The following MOXD1 variants were observed in gnomAD, a reference collection of about 807,000 sequenced individuals.
MOXD1 encodes the protein monooxygenase DBH like 1, also known as DBH-like monooxygenase protein 1.
A neutral mutation model predicts 66.6 loss-of-function variants in MOXD1; 62 were observed. The ratio of observed to expected loss-of-function variants is 0.93; its 90% CI spans 0.76 to 1.15. The LOEUF is 1.15. Among genes scored for constraint, MOXD1 ranks in the 50% most tolerant of loss-of-function variants. The pLI is 0.00. For synonymous variants in MOXD1, 303 were observed against 281.9 expected (o/e 1.07, Z -0.75); for missense variants, 847 against 754.6 (o/e 1.12, Z -1.44).
At chr6:132,349,276 C>A (rs1775733692) in intron 4 of MOXD1, among the ~76,000 whole-genome samples, 1 of 150,070 alleles carries the variant, frequency 6.7e-6, no homozygotes, top group South Asian at 2.1e-4. Context: ...TAATAGTCTC[C>A]AGTCTCATCC....
At chr6:132,386,381 G>C (rs1418327856) in intron 1 of MOXD1, among the ~76,000 whole-genome samples, 1 of 143,436 alleles carries the variant, frequency 7.0e-6, no homozygotes, top group Non-Finnish European at 1.5e-5. Context: ...CAGCCTGGGC[G>C]ACAGAGCGAG....
intron 9 of MOXD1, among the ~76,000 whole-genome samples, chr6:132,319,201 T>C (rs1775022824): frequency 6.6e-6 from 1 of 151,990 alleles, no homozygotes; most frequent in Non-Finnish European, 1.5e-5. Flanking sequence ...GCAAAATGTT[T>C]ATATAAATTA....
intron 4 of MOXD1, among the ~76,000 whole-genome samples, chr6:132,340,686 A>C (rs182746366): frequency 8.6e-6 from 1 of 116,426 alleles, no homozygotes; most frequent in Non-Finnish European, 1.6e-5. Context: ...TCGCTCTGTC[A>C]CCCAGGCTGG....
rs35163669 is a variant in MOXD1, at chr6:132,333,335, CAA to C, written c.664-4743_664-4742del. On this transcript the variant is annotated intron_variant, in intron 4 of 11. Transcript: ENST00000367963. ...TGGGCTACAGAGTGAGACTCCGTCTCAAAAAAAAAAAAAAAAAAAAATACTGA... is the reference window on the plus strand; with the variant it reads ...TGGGCTACAGAGTGAGACTCCGTCTCAAAAAAAAAAAAAAAAAAATACTGA... Among the ~76,000 whole-genome samples the C allele has an allele frequency of 5.9e-3, 426 of 72,446 alleles. 1 individual carries two copies. The highest frequency in any genetic ancestry group is 0.047 in the Middle Eastern group (5 of 106). 47.5% of individuals were successfully genotyped at this position (72,446 alleles called of 152,430 possible). A position where few individuals can be genotyped will look rare whatever the true frequency, so the allele number is the denominator to read the frequency against.
At chr6:132,319,054 C>G (rs1268377249) in intron 9 of MOXD1, among the ~76,000 whole-genome samples, 1 of 151,806 alleles carries the variant, frequency 6.6e-6, no homozygotes, top group Non-Finnish European at 1.5e-5. Flanking sequence ...GTATTAATCG[C>G]CAGTTTTAAA....
intron 4 of MOXD1, among the ~76,000 whole-genome samples, chr6:132,369,685 T>A (rs1562295142): frequency 6.6e-6 from 1 of 152,064 alleles, no homozygotes; most frequent in Non-Finnish European, 1.5e-5. Flanking sequence ...CTGAGATGGC[T>A]ACTAAGTGAC....
At chr6:132,341,130 T>G (rs1775552821) in intron 4 of MOXD1, among the ~76,000 whole-genome samples, 1 of 152,198 alleles carries the variant, frequency 6.6e-6, no homozygotes, top group Non-Finnish European at 1.5e-5. Context: ...ATGTTGAAAT[T>G]TAATCATCAA....
At chr6:132,386,068 A>C (rs1776627288) in intron 1 of MOXD1, among the ~76,000 whole-genome samples, 1 of 140,222 alleles carries the variant, frequency 7.1e-6, no homozygotes, top group South Asian at 2.2e-4. Flanking sequence ...GCGCCACTGC[A>C]CTCCAGCCTG....
At chr6:132,349,396 C>CGT (rs1554234225) in intron 4 of MOXD1, among the ~76,000 whole-genome samples, 1 of 41,354 alleles carries the variant, frequency 2.4e-5, no homozygotes, top group Non-Finnish European at 4.6e-5. Flanking sequence ...TATATATACA[C>CGT]ATATATATAC....
intron 4 of MOXD1, among the ~76,000 whole-genome samples, chr6:132,367,437 T>C (rs574967610): frequency 6.6e-6 from 1 of 152,186 alleles, no homozygotes; most frequent in Non-Finnish European, 1.5e-5. Flanking sequence ...GTAAGAACTA[T>C]TATTATCACC....
At chr6:132,328,372 T>G in intron 5 of MOXD1, 43 bp downstream of exon 5, 1 of 1,589,498 alleles carries the variant, frequency 6.3e-7, no homozygotes, top group Non-Finnish European at 8.6e-7. Flanking sequence ...GCGGGAAATA[T>G]GATCAGTTAA....
rs199535351 is a variant in MOXD1, at chr6:132,324,080, C to T, written c.964G>A (p.Gly322Arg). ...TCCATTGTGTAAAATAACCTCAGTC[C>T]AGAATTATCTATTAAGCCTAGAACA... ...TYEEGLIDNSGLRLFYTMDIR... is the reference protein window; with the variant it reads ...TYEEGLIDNSRLRLFYTMDIR... The change falls in exon 7 of 12, where the codon GGA (glycine) becomes AGA (arginine). Residue 322 changes from glycine (G) to arginine (R), a missense_variant. Coordinates refer to ENST00000367963, the MANE Select transcript of MOXD1 (RefSeq NM_015529.4). 4 of 1,613,284 alleles carry T rather than the reference C, an allele frequency of 2.5e-6. No individual in the cohort carries two copies. In the Admixed American group the frequency reaches 5.0e-5, roughly 20 times the overall value.
chr6:132,388,191 T>G (rs1776690162), intron 1 of MOXD1, among the ~76,000 whole-genome samples: 1 of 151,490 alleles, frequency 6.6e-6, no homozygotes, highest in South Asian at 2.1e-4. Context: ...ATATCTTGTA[T>G]TTATTAAGTG....
chr6:132,341,046 G>A (rs1229859916), intron 4 of MOXD1, among the ~76,000 whole-genome samples: 1 of 152,060 alleles, frequency 6.6e-6, no homozygotes, highest in Non-Finnish European at 1.5e-5. Flanking sequence ...AATCCTATAG[G>A]AGTTATAACA....
At chr6:132,298,487 T>C (rs993337237) in intron 10 of MOXD1, among the ~76,000 whole-genome samples, 1 of 152,162 alleles carries the variant, frequency 6.6e-6, no homozygotes, top group African/African-American at 2.4e-5. Flanking sequence ...AAAGATACTG[T>C]GAGAGATGGA....
At chr6:132,369,083 T>C (rs1370968298) in intron 4 of MOXD1, among the ~76,000 whole-genome samples, 1 of 152,030 alleles carries the variant, frequency 6.6e-6, no homozygotes, top group Non-Finnish European at 1.5e-5. Flanking sequence ...CCCTACATAA[T>C]GAGATGGAGC....
chr6:132,312,892 T>C (rs1293705043), intron 10 of MOXD1, among the ~76,000 whole-genome samples: 2 of 152,038 alleles, frequency 1.3e-5, no homozygotes, highest in African/African-American at 4.8e-5. Flanking sequence ...TAACATTCTC[T>C]CAAATTAACC....
intron 4 of MOXD1, among the ~76,000 whole-genome samples, chr6:132,340,638 A>ATCTTTTTTTTTTTTTTTTTTTTTTTTTT (rs1562287208): frequency 1.0e-5 from 1 of 98,808 alleles, no homozygotes; most frequent in African/African-American, 4.4e-5. Context: ...AACAAGACTC[A>ATCTTTTTTTTTTTTTTTTTTTTTTTTTT]TTTTTTTTTT....
chr6:132,388,628 G>A lies in MOXD1; in HGVS notation c.264+12535C>T, dbSNP rs751174514. On this transcript the variant is annotated intron_variant, in intron 1 of 11. Coordinates refer to ENST00000367963, the MANE Select transcript of MOXD1 (RefSeq NM_015529.4). ...TGCTTATTAGTAACCTTGGAGAATG[G>A]AGAGGAAAGGGAAGGGAAGGGATAT... is the stretch of plus-strand genomic sequence containing the variant. 3.3e-5 allele frequency among the ~76,000 whole-genome samples: 5 copies of A among 151,346 alleles called. 1 individual carries two copies. The highest frequency in any genetic ancestry group is 5.9e-5 in the Non-Finnish European group (4 of 67,684).
Sources: allele counts gnomAD v4.1 joint callset (sites outside exome capture counted in the v4.1 genomes callset), GRCh38; gene constraint gnomAD v4.1.1; transcripts MANE v1.5; gene names NCBI Gene and HGNC (gene_info 2026-07-23, HGNC 2026-07-21).